Variants in LGR4 observed in about 807,000 individuals in gnomAD.
LGR4 encodes the protein leucine-rich repeat-containing G protein-coupled receptor 4.
LGR4 carries 44 observed loss-of-function variants against 84.8 expected under a neutral mutation model. The observed-to-expected ratio is 0.52, with a 90% CI of 0.41 to 0.67. The LOEUF is 0.67. Among genes scored for constraint, LGR4 ranks in the 30% least tolerant of loss-of-function variants. The pLI is 0.00. For synonymous variants in LGR4, 429 were observed against 434.3 expected (o/e 0.99, Z 0.15); for missense variants, 1,032 against 1,131.4 (o/e 0.91, Z 1.26).
intron 1 of LGR4, among the ~76,000 whole-genome samples, chr11:27,447,859 T>A (rs1320604572): frequency 6.6e-6 from 1 of 152,242 alleles, no homozygotes; most frequent in Non-Finnish European, 1.5e-5. Context: ...TCTTTAAATT[T>A]TTAAAAATAT....
At chr11:27,415,156 G>A (rs937712491) in intron 1 of LGR4, among the ~76,000 whole-genome samples, 1 of 152,042 alleles carries the variant, frequency 6.6e-6, no homozygotes, top group Non-Finnish European at 1.5e-5. Context: ...GATCCAAAAT[G>A]AGTAAACAAT....
intron 2 of LGR4, among the ~76,000 whole-genome samples, chr11:27,396,046 C>G (rs556480093): frequency 3.0e-4 from 46 of 152,300 alleles, no homozygotes; most frequent in Non-Finnish European, 5.6e-4. Flanking sequence ...AACATTCTTT[C>G]ATTTTAATCA....
chr11:27,378,970 A>C (rs1418105267), intron 10 of LGR4: 2 of 556,654 alleles, frequency 3.6e-6, no homozygotes. Context: ...TAACTCAAAA[A>C]CACTTGTGAC....
intron 1 of LGR4, among the ~76,000 whole-genome samples, chr11:27,423,999 G>C (rs1863972096): frequency 6.6e-6 from 1 of 152,178 alleles, no homozygotes; most frequent in Admixed American, 6.5e-5. Flanking sequence ...TCTGTCCAGA[G>C]AAAGATGACT....
intron 4 of LGR4, among the ~76,000 whole-genome samples, chr11:27,386,464 TGAAAATTACA>T (rs1393651512): frequency 1.3e-5 from 2 of 152,202 alleles, no homozygotes; most frequent in African/African-American, 4.8e-5. Context: ...GACTTCTTTG[TGAAAATTACA>T]GAACAGAAAA....
At chr11:27,429,360 C>T (rs1159312074) in intron 1 of LGR4, among the ~76,000 whole-genome samples, 17 of 151,978 alleles carry the variant, frequency 1.1e-4, no homozygotes, top group Admixed American at 9.8e-4. Context: ...TGGCAGGTAC[C>T]TGTAGTCCCA....
In LGR4 at chr11:27,392,367, T is replaced by C. The variant is rs1863301291; in HGVS notation, c.329+80A>G. 1.1e-5 allele frequency: 12 copies of C among 1,115,616 alleles called. No homozygotes were observed. In the South Asian group the frequency reaches 1.9e-4, roughly 17 times the overall value. 69.1% of individuals were successfully genotyped at this position (1,115,616 alleles called of 1,614,324 possible). A position where few individuals can be genotyped will look rare whatever the true frequency, so the allele number is the denominator to read the frequency against. The stretch of plus-strand genomic sequence containing the variant: ...AATCCTGAACTAAAAGAAACTGTGC[T>C]TAACCTAGTTCCAAGCATGTTGACT... On this transcript the variant is annotated intron_variant, in intron 3 of 17. Transcript: ENST00000379214.
rs1862757448 is a variant in LGR4 at position 27,366,045 on chromosome 11, T to A, written c.*1822A>T. On this transcript the variant is annotated 3_prime_UTR_variant, in exon 18 of 18. Transcript: ENST00000379214. ...TATAGCACAAAGATTAACACTTTTA[T>A]ATATCTGTTATTCTAGTTTTTAAAT... 1 of 152,574 alleles carries A rather than the reference T, an allele frequency of 6.6e-6. No homozygotes were observed. Among genetic ancestry groups the A allele is most frequent in the Non-Finnish European group, 1.5e-5 (1 of 67,996 alleles). The allele number at this position is 152,574 out of a possible 1,614,324, so 9.5% of individuals were successfully genotyped here. A position where few individuals can be genotyped will look rare whatever the true frequency, so the allele number is the denominator to read the frequency against.
chr11:27,456,591 A>G (rs905414074), intron 1 of LGR4, among the ~76,000 whole-genome samples: 5 of 152,200 alleles, frequency 3.3e-5, no homozygotes, highest in African/African-American at 9.7e-5. Flanking sequence ...AGAAACAGAA[A>G]AGTGAGTCTG....
chr11:27,426,942 T>G (rs1590384770), intron 1 of LGR4, among the ~76,000 whole-genome samples: 1 of 152,208 alleles, frequency 6.6e-6, no homozygotes, highest in South Asian at 2.1e-4. Context: ...GCTTAGACTA[T>G]GAGGTTAATG....
At chr11:27,379,147 TTCAG>T in intron 10 of LGR4, 1 of 202,948 alleles carries the variant, frequency 4.9e-6, no homozygotes, top group Non-Finnish European at 9.7e-6. Context: ...TGTCTTTTCT[TTCAG>T]TCAAACTGGC....
rs1368085629 is a variant in LGR4, at chr11:27,472,722, C to G, written c.-420G>C. ...TGGCTCTCGCACAAACACCCAGACT[C>G]TGGCTCGCTGTCTCCCAGCCGCGGC... On this transcript the variant is annotated 5_prime_UTR_variant, in exon 1 of 18. Coordinates refer to ENST00000379214, the MANE Select transcript of LGR4 (RefSeq NM_018490.5). 2 of 360,222 alleles carry G rather than the reference C, an allele frequency of 5.6e-6. No homozygotes were observed. The highest frequency in any genetic ancestry group is 4.3e-5 in the African/African-American group (2 of 47,010). The allele number at this position is 360,222 out of a possible 1,614,324, so 22.3% of individuals were successfully genotyped here.
At chr11:27,378,924 G>T (rs1863038762) in intron 10 of LGR4, 156 bp from the exon 11 acceptor site, 1 of 596,098 alleles carries the variant, frequency 1.7e-6, no homozygotes, top group Admixed American at 3.3e-5. Context: ...ATGCAAGAAG[G>T]TGAACTGAAC....
intron 2 of LGR4, among the ~76,000 whole-genome samples, chr11:27,406,468 A>T (rs1460913502): frequency 1.3e-5 from 2 of 152,126 alleles, no homozygotes; most frequent in East Asian, 3.9e-4. Flanking sequence ...TTCGGCTCCC[A>T]ATCAGCAAAA....
intron 2 of LGR4, among the ~76,000 whole-genome samples, chr11:27,398,615 G>T (rs1863436145): frequency 6.6e-6 from 1 of 152,110 alleles, no homozygotes; most frequent in Non-Finnish European, 1.5e-5. Context: ...AAAAGCAGAG[G>T]GAGACTACAG....
intron 6 of LGR4, among the ~76,000 whole-genome samples, chr11:27,383,144 G>A (rs1018876841): frequency 6.6e-6 from 1 of 152,218 alleles, no homozygotes; most frequent in Non-Finnish European, 1.5e-5. Context: ...ACAAGCCATA[G>A]TGATCTGTAC....
At position 27,472,410 on chromosome 11, in the gene LGR4, G is replaced by C; in HGVS notation, c.-108C>G. The stretch of plus-strand genomic sequence containing the variant: ...AGCCGGCCTGCGGGCTGGAGCGGGG[G>C]TCTCTTCCTCGGCGGTCCGCGCGGG... On this transcript the variant is annotated 5_prime_UTR_variant, in exon 1 of 18. Coordinates refer to ENST00000379214, the MANE Select transcript of LGR4 (RefSeq NM_018490.5). The C allele has an allele frequency of 2.2e-6, 2 of 908,842 alleles. No homozygotes were observed. Among genetic ancestry groups the C allele is most frequent in the Non-Finnish European group, 2.9e-6 (2 of 699,836 alleles). 56.3% of individuals were successfully genotyped at this position (908,842 alleles called of 1,614,324 possible).
chr11:27,370,567 T>C (rs1404647701), intron 17 of LGR4, among the ~76,000 whole-genome samples: 1 of 152,234 alleles, frequency 6.6e-6, no homozygotes, highest in Non-Finnish European at 1.5e-5. Flanking sequence ...CATCAGTGTC[T>C]GTGTGTTACT....
Position 27,460,874 on chromosome 11 carries a change from T to C in LGR4, c.185+11244A>G, listed in dbSNP as rs367652452. ...AACCAGGCAGATGTCAAGATGGTAA[T>C]GGGAAAAACATCTCAAACTTTTTTT... On this transcript the variant is annotated intron_variant, in intron 1 of 17. Coordinates refer to ENST00000379214, the MANE Select transcript of LGR4 (RefSeq NM_018490.5). Among the ~76,000 whole-genome samples, 31 of 151,620 alleles carry C rather than the reference T, an allele frequency of 2.0e-4. No homozygotes were observed. The East Asian group carries it at 3.1e-3, about 15-fold the overall frequency.
Sources: gnomAD v4.1 joint callset for allele counts (sites outside exome capture counted in the v4.1 genomes callset) on GRCh38, gnomAD v4.1.1 for gene constraint, MANE v1.5 for transcripts, NCBI Gene and HGNC (gene_info 2026-07-23, HGNC 2026-07-21) for gene names.